EIPR1: variants seen among roughly 807,000 people sequenced by gnomAD.
EIPR1 encodes EARP and GARP complex-interacting protein 1.
Under a neutral mutation model 48.1 loss-of-function variants are expected in EIPR1, and 25 were observed. That is an observed-to-expected ratio of 0.52 (90% CI 0.38 to 0.73). The LOEUF (loss-of-function observed/expected upper bound fraction) is 0.73, where lower values mean the gene tolerates loss of function less well. EIPR1 is among the 30% of genes least tolerant of loss of function. The pLI is 0.00. For missense variants in EIPR1, 415 were observed against 506.2 expected, an observed-to-expected ratio of 0.82 and a Z score of 1.73; for synonymous variants, 204 against 201.9, an observed-to-expected ratio of 1.01 and a Z score of -0.09.
chr2:3,328,361 C>A (rs1371739336), intron 3 of EIPR1, among the ~76,000 whole-genome samples: 1 of 152,142 alleles, frequency 6.6e-6, no homozygotes, highest in Non-Finnish European at 1.5e-5. Flanking sequence ...AGAGCCCACC[C>A]ACCACACTCT....
At chr2:3,277,150 G>C in intron 3 of EIPR1, among the ~76,000 whole-genome samples, 1 of 151,982 alleles carries the variant, frequency 6.6e-6, no homozygotes. Context: ...AATGTTGGGG[G>C]AGAAACCACA....
At chr2:3,361,606 C>T (rs1431563908) in intron 1 of EIPR1, among the ~76,000 whole-genome samples, 3 of 152,300 alleles carry the variant, frequency 2.0e-5, no homozygotes, top group South Asian at 2.1e-4. Flanking sequence ...CAGCCAGCTG[C>T]GCCCAGTTCC....
In EIPR1 at chr2:3,253,901, C is replaced by T. The variant is rs543274592; in HGVS notation, c.416+3398G>A. Among the ~76,000 whole-genome samples, 24 of 152,236 alleles carry T rather than the reference C, an allele frequency of 1.6e-4. No individual in the cohort carries two copies. In the South Asian group the frequency reaches 4.2e-3, roughly 26 times the overall value. The stretch of plus-strand genomic sequence containing the variant: ...CAGGAGCCCCTAACACCATTTCCTG[C>T]GGTGTGGGGCATGCCTCTAGTCTGC... On this transcript the variant is annotated intron_variant, in intron 4 of 8. Transcript: ENST00000382125.
At chr2:3,205,973 A>C (rs896931) in intron 5 of EIPR1, among the ~76,000 whole-genome samples, 140,185 of 152,272 alleles carry the variant, frequency 0.92, 64,750 homozygotes, top group East Asian at 0.98. Context: ...ACCTTGGAAC[A>C]CTCAGAAGAG....
intron 3 of EIPR1, among the ~76,000 whole-genome samples, chr2:3,332,135 C>G (rs1351595399): frequency 6.6e-6 from 1 of 152,196 alleles, no homozygotes; most frequent in Admixed American, 6.5e-5. Context: ...GTGGTGTACC[C>G]TAATTCAGAA....
intron 2 of EIPR1, among the ~76,000 whole-genome samples, chr2:3,344,167 G>A (rs59093035): frequency 0.17 from 25,499 of 152,186 alleles, 2,697 homozygotes; most frequent in East Asian, 0.4. Context: ...TCCCTCGGCC[G>A]CTGATGGCAA....
At chr2:3,245,081 C>T (rs1666753110) in intron 4 of EIPR1, among the ~76,000 whole-genome samples, 1 of 152,142 alleles carries the variant, frequency 6.6e-6, no homozygotes, top group South Asian at 2.1e-4. Flanking sequence ...TTCTCATCAT[C>T]TCCTTTCTAA....
In EIPR1 at chr2:3,353,715, G is replaced by T. The variant is rs758592195; in HGVS notation, c.126+835C>A. 2.1e-4 allele frequency among the ~76,000 whole-genome samples: 32 copies of T among 152,132 alleles called. 1 individual carries two copies. The highest frequency in any genetic ancestry group is 7.3e-5 in the Non-Finnish European group (5 of 68,028). The stretch of plus-strand genomic sequence containing the variant: ...TAAACATTTATTTATGAAGCTCTAA[G>T]GATGTATCACTGAACTAGTTGCCAA... On this transcript the variant is annotated intron_variant, in intron 2 of 8. Coordinates refer to ENST00000382125, the MANE Select transcript of EIPR1 (RefSeq NM_003310.5).
intron 4 of EIPR1, among the ~76,000 whole-genome samples, chr2:3,247,215 G>A (rs944865094): frequency 1.3e-5 from 2 of 152,112 alleles, no homozygotes; most frequent in African/African-American, 2.4e-5. Flanking sequence ...GAAACAAGGC[G>A]ATTTCTAGGA....
At chr2:3,291,059 C>T (rs1186382705) in intron 3 of EIPR1, among the ~76,000 whole-genome samples, 2 of 152,322 alleles carry the variant, frequency 1.3e-5, no homozygotes, top group South Asian at 4.1e-4. Flanking sequence ...CTAAGAGATT[C>T]CCCCACGGCT....
intron 4 of EIPR1, among the ~76,000 whole-genome samples, chr2:3,250,365 T>C (rs1666965997): frequency 1.3e-5 from 2 of 152,246 alleles, no homozygotes; most frequent in African/African-American, 4.8e-5. Flanking sequence ...TGCCCCTCTG[T>C]TTTGGCTGAT....
At chr2:3,253,886 T>C (rs2103212898) in intron 4 of EIPR1, among the ~76,000 whole-genome samples, 1 of 152,258 alleles carries the variant, frequency 6.6e-6, no homozygotes, top group East Asian at 1.9e-4. Context: ...CAGGAGCCCC[T>C]AACACCATTT....
intron 5 of EIPR1, among the ~76,000 whole-genome samples, chr2:3,205,889 CCAGA>C (rs1189260679): frequency 6.6e-6 from 1 of 152,190 alleles, no homozygotes; most frequent in Non-Finnish European, 1.5e-5. Context: ...GGTCAAATGT[CCAGA>C]CAGTGCCTAG....
chr2:3,321,085 C>T (rs1309084599), intron 3 of EIPR1, among the ~76,000 whole-genome samples: 2 of 152,218 alleles, frequency 1.3e-5, no homozygotes, highest in African/African-American at 2.4e-5. Flanking sequence ...CTGAAGCATG[C>T]TGCTGAGGGG....
intron 3 of EIPR1, among the ~76,000 whole-genome samples, chr2:3,336,273 G>A (rs1006297338): frequency 6.6e-6 from 1 of 152,222 alleles, no homozygotes; most frequent in African/African-American, 2.4e-5. Context: ...AAGACCCACA[G>A]ATTCTTGAGA....
chr2:3,320,693 T>C (rs1669501191), intron 3 of EIPR1: 1 of 152,218 alleles, frequency 6.6e-6, no homozygotes, highest in African/African-American at 2.4e-5. Flanking sequence ...TTTCATGCTG[T>C]TTTCCTCTCT....
rs1316609575 is a variant in EIPR1, at chr2:3,255,829, A to ATG, written c.416+1469_416+1470insCA. On this transcript the variant is annotated intron_variant, in intron 4 of 8. Transcript: ENST00000382125. ...TTAACACATACACAAATGTGCACAC[A>ATG]TACGTGTGCACAGAGACACAAGCAC... Among the ~76,000 whole-genome samples the ATG allele has an allele frequency of 5.9e-4, 5 of 8,436 alleles. No homozygotes were observed. In the East Asian group the frequency reaches 0.5, roughly 844 times the overall value. 5.5% of individuals were successfully genotyped at this position (8,436 alleles called of 152,430 possible). A position where few individuals can be genotyped will look rare whatever the true frequency, so the allele number is the denominator to read the frequency against.
intron 7 of EIPR1, 77 bp from the exon 8 acceptor site, chr2:3,192,658 G>A (rs1664649225): frequency 2.7e-6 from 4 of 1,494,836 alleles, no homozygotes; most frequent in Non-Finnish European, 1.8e-6. Flanking sequence ...CCGGCTCTGA[G>A]GGCCCCACTA....
intron 6 of EIPR1, among the ~76,000 whole-genome samples, chr2:3,196,175 G>C (rs1239793645): frequency 1.3e-5 from 2 of 152,174 alleles, no homozygotes; most frequent in South Asian, 2.1e-4. Context: ...TTTTCAGAGG[G>C]GCCTTGGAAC....
Sources: gnomAD v4.1 joint callset for allele counts (sites outside exome capture counted in the v4.1 genomes callset) on GRCh38, gnomAD v4.1.1 for gene constraint, MANE v1.5 for transcripts, NCBI Gene and HGNC (gene_info 2026-07-23, HGNC 2026-07-21) for gene names.